PPP1R9B: variants seen among roughly 807,000 people sequenced by gnomAD.
PPP1R9B encodes neurabin-2.
In PPP1R9B, 17 loss-of-function variants were observed where a neutral mutation model predicts 75.8. That is an observed-to-expected ratio of 0.22 (90% CI 0.15 to 0.34). PPP1R9B has a LOEUF of 0.34. Among genes scored for constraint, PPP1R9B ranks in the 10% least tolerant of loss-of-function variants. PPP1R9B has a pLI of 1.00. For synonymous variants in PPP1R9B, 509 were observed against 535.4 expected (o/e 0.95, Z 0.68); for missense variants, 875 against 1,196.0 (o/e 0.73, Z 3.96).
chr17:50,140,119 C>G lies in PPP1R9B; in HGVS notation c.1840G>C (p.Ala614Pro), dbSNP rs1423777868. ...TCCTCGTCATCCTCCCCATACTGGG[C>G]GTATCTCTGCTCCATCATCTCCCGC... Reference protein sequence around the residue: ...WQREMMEQRYAQYGEDDEETG... With the variant: ...WQREMMEQRYPQYGEDDEETG... The change falls in exon 5 of 10, where the codon GCC becomes CCC. Residue 614 changes from alanine to proline, a missense_variant. By Grantham distance (27) the Ala-to-Pro change is conservative (BLOSUM62 -1). This residue lies in a region of PPP1R9B where 218 missense variants were observed against 334.6 expected (regional missense o/e 0.65). Coordinates refer to ENST00000612501, the MANE Select transcript of PPP1R9B (RefSeq NM_032595.5). 6.2e-7 allele frequency: 1 copy of G among 1,613,502 alleles called. No individual in the cohort carries two copies. Among genetic ancestry groups the G allele is most frequent in the East Asian group, 2.2e-5 (1 of 44,882 alleles).
rs1274251974 is a variant in PPP1R9B, at chr17:50,142,675, G to A, written c.1625+923C>T. Reference sequence around the variant, plus strand: ...ACCTCTAACTTACAGCCACCCTGGGGGATGCCCTACAGCCCTTCCTACTGC... The same window carrying A: ...ACCTCTAACTTACAGCCACCCTGGGAGATGCCCTACAGCCCTTCCTACTGC... On this transcript the variant is annotated intron_variant, in intron 3 of 9. Coordinates refer to ENST00000612501, the MANE Select transcript of PPP1R9B (RefSeq NM_032595.5). This position sits in a 1 kb window ranked among gnomAD's most constrained non-coding sequence, Gnocchi z 4.1. Among the ~76,000 whole-genome samples, 1 of 152,040 alleles carries A rather than the reference G, an allele frequency of 6.6e-6. No individual in the cohort carries two copies. Among genetic ancestry groups the A allele is most frequent in the Non-Finnish European group, 1.5e-5 (1 of 67,990 alleles).
At chr17:50,135,498 G>A (rs1912200945) in intron 9 of PPP1R9B, 55 bp downstream of exon 9, 1 of 1,586,286 alleles carries the variant, frequency 6.3e-7, no homozygotes, top group African/African-American at 1.3e-5. Flanking sequence ...ACAGGGTAGG[G>A]GCTTCAATGC....
In PPP1R9B at chr17:50,135,115, T is replaced by G. The variant is rs763524771; in HGVS notation, c.*216A>C. 3 of 587,850 alleles carry G rather than the reference T, an allele frequency of 5.1e-6. No individual in the cohort carries two copies. The highest frequency in any genetic ancestry group is 6.1e-6 in the Non-Finnish European group (2 of 329,298). The allele number at this position is 587,850 out of a possible 1,614,324, so 36.4% of individuals were successfully genotyped here. A position where few individuals can be genotyped will look rare whatever the true frequency, so the allele number is the denominator to read the frequency against. On this transcript the variant is annotated 3_prime_UTR_variant, in exon 10 of 10. Transcript: ENST00000612501. ...CAGCCCCATGGGGCAAGAAAGAGGCTGCCCTTCTAGCCACCTCTGTCTGCC... is the reference window on the plus strand; with the variant it reads ...CAGCCCCATGGGGCAAGAAAGAGGCGGCCCTTCTAGCCACCTCTGTCTGCC...
chr17:50,149,418 C>G lies in PPP1R9B; in HGVS notation c.1096G>C (p.Val366Leu), dbSNP rs753680798. ...ACGTCCGGGGCCCGGCCATTGCCCA[C>G]CCCCCTCTCTGGCGGCGCTACCGCC... is the stretch of plus-strand genomic sequence containing the variant. ...AAAVAPPERG[V>L]GNGRAPDVAP... Residue 366 changes from valine (V) to leucine (L), a missense_variant, in exon 1 of 10, where the codon GTG becomes CTG. Around this residue, in one of 4 missense-constraint regions of PPP1R9B, gnomAD observed 449 missense variants for 475.0 expected, o/e 0.95. Coordinates refer to ENST00000612501, the MANE Select transcript of PPP1R9B (RefSeq NM_032595.5). This position sits in a 1 kb window ranked among gnomAD's most constrained non-coding sequence, Gnocchi z 7.2. The G allele has an allele frequency of 1.2e-6, 2 of 1,610,700 alleles. No homozygotes were observed. The highest frequency in any genetic ancestry group is 4.5e-5 in the East Asian group (2 of 44,804).
chr17:50,147,892 G>C (rs1244566579), intron 1 of PPP1R9B, among the ~76,000 whole-genome samples: 2 of 152,184 alleles, frequency 1.3e-5, no homozygotes, highest in Non-Finnish European at 2.9e-5. Context: ...TGAGAGGAAA[G>C]TTGGGAAGCT....
At chr17:50,148,908 G>C (rs886096124) in intron 1 of PPP1R9B, among the ~76,000 whole-genome samples, 2 of 152,160 alleles carry the variant, frequency 1.3e-5, no homozygotes, top group African/African-American at 4.8e-5. Context: ...GGCAGCAGGC[G>C]GAGGAACCTG....
At position 50,139,989 on chromosome 17, in the gene PPP1R9B, G is replaced by A. The variant is rs1011898890; in HGVS notation, c.1866+104C>T. On this transcript the variant is annotated intron_variant, in intron 5 of 9. Transcript: ENST00000612501. The surrounding 1 kb of genome is among the most constrained non-coding windows in gnomAD (Gnocchi z 5.0). ...ACTGGAGGACAGGGAATGGCACTGTGGGCTTTTTACTAGGGCAGGGGAAGC... is the reference window on the plus strand; with the variant it reads ...ACTGGAGGACAGGGAATGGCACTGTAGGCTTTTTACTAGGGCAGGGGAAGC... 1 of 1,289,932 alleles carries A rather than the reference G, an allele frequency of 7.8e-7. No individual in the cohort carries two copies. Among genetic ancestry groups the A allele is most frequent in the Non-Finnish European group, 1.1e-6 (1 of 938,696 alleles). 79.9% of individuals were successfully genotyped at this position (1,289,932 alleles called of 1,614,324 possible). A position where few individuals can be genotyped will look rare whatever the true frequency, so the allele number is the denominator to read the frequency against.
At chr17:50,140,274 T>TC in intron 4 of PPP1R9B, 46 bp from the exon 5 acceptor site, 3 of 1,555,866 alleles carry the variant, frequency 1.9e-6, no homozygotes, top group Non-Finnish European at 2.6e-6. Context: ...CTCAGCCAGG[T>TC]AATGCATCAT....
Position 50,150,049 on chromosome 17 carries a change from G to A in PPP1R9B, c.465C>T (p.Ala155=), listed in dbSNP as rs778704983. Residue 155 remains alanine (A), a synonymous_variant, in exon 1 of 10, where the codon GCC becomes GCT. Coordinates refer to ENST00000612501, the MANE Select transcript of PPP1R9B (RefSeq NM_032595.5). This position sits in a 1 kb window ranked among gnomAD's most constrained non-coding sequence, Gnocchi z 8.7. ...CCTTGTCGCCGCCTGCGGCCGCTGG[G>A]GCGCTCCGTTCGAACAGCTTCCGCG... ...QETRKLFERS[A]PAAAGGDKEA... is the part of the protein sequence containing the mutation. 1 of 1,465,624 alleles carries A rather than the reference G, an allele frequency of 6.8e-7. No homozygotes were observed. Among genetic ancestry groups the A allele is most frequent in the Non-Finnish European group, 8.9e-7 (1 of 1,117,748 alleles). The allele number at this position is 1,465,624 out of a possible 1,614,324, so 90.8% of individuals were successfully genotyped here. A position where few individuals can be genotyped will look rare whatever the true frequency, so the allele number is the denominator to read the frequency against.
intron 4 of PPP1R9B, chr17:50,140,451 T>G: frequency 1.5e-4 from 83 of 565,212 alleles, no homozygotes; most frequent in East Asian, 1.6e-4. Flanking sequence ...CTCTGGCCAG[T>G]ATTGCGGGAG....
In PPP1R9B at chr17:50,150,454, G is replaced by C. The variant is rs2144463331; in HGVS notation, c.60C>G (p.Arg20=). ...GGPLRSASPH[R]SAYEAGIQAL... ...CCTGGATGCCCGCCTCGTAGGCGCTGCGGTGCGGGGAGGCGCTCCGGAGGG... is the reference window on the plus strand; with the variant it reads ...CCTGGATGCCCGCCTCGTAGGCGCTCCGGTGCGGGGAGGCGCTCCGGAGGG... The change falls in exon 1 of 10, where the codon CGC becomes CGG. Residue 20 remains arginine (R), a synonymous_variant. Coordinates refer to ENST00000612501, the MANE Select transcript of PPP1R9B (RefSeq NM_032595.5). This position sits in a 1 kb window ranked among gnomAD's most constrained non-coding sequence, Gnocchi z 8.7. The C allele has an allele frequency of 7.2e-7, 1 of 1,391,270 alleles. No homozygotes were observed. Among genetic ancestry groups the C allele is most frequent in the South Asian group, 1.6e-5 (1 of 63,068 alleles). The allele number at this position is 1,391,270 out of a possible 1,614,324, so 86.2% of individuals were successfully genotyped here.
rs1397677740 is a variant in PPP1R9B at position 50,142,284 on chromosome 17, C to A, written c.1626-911G>T. Among the ~76,000 whole-genome samples the A allele has an allele frequency of 6.6e-6, 1 of 152,176 alleles. No homozygotes were observed. Among genetic ancestry groups the A allele is most frequent in the African/African-American group, 2.4e-5 (1 of 41,430 alleles). On this transcript the variant is annotated intron_variant, in intron 3 of 9. Transcript: ENST00000612501. This position sits in a 1 kb window ranked among gnomAD's most constrained non-coding sequence, Gnocchi z 4.1. The stretch of plus-strand genomic sequence containing the variant: ...GAGCTCCAGGCCTTCTCTCAGGACT[C>A]CCACACGGAAATGGAGGAAATGGCC...
intron 4 of PPP1R9B, 90 bp from the exon 5 acceptor site, chr17:50,140,318 G>A (rs1912341744): frequency 1.3e-6 from 2 of 1,482,022 alleles, no homozygotes; most frequent in African/African-American, 1.4e-5. Flanking sequence ...CCAAACTCAG[G>A]CCCTCCCAGG....
Position 50,149,220 on chromosome 17 carries a change from C to T in PPP1R9B, c.1294G>A (p.Val432Met), listed in dbSNP as rs1238923987. Residue 432 changes from valine to methionine, a missense_variant, in exon 1 of 10, where the codon GTG (valine) becomes ATG (methionine). Around this residue, in one of 4 missense-constraint regions of PPP1R9B, gnomAD observed 449 missense variants for 475.0 expected, o/e 0.95. Transcript: ENST00000612501. The surrounding 1 kb of genome is among the most constrained non-coding windows in gnomAD (Gnocchi z 7.2). ...TCCTCCGACAGCCCCGGGATCTCCA[C>T]GCACCCCGACTCGGGCTCGTAGGGG... is the stretch of plus-strand genomic sequence containing the variant. ...EPPYEPESGC[V>M]EIPGLSEEED... 6.2e-7 allele frequency: 1 copy of T among 1,608,614 alleles called. No individual in the cohort carries two copies. The highest frequency in any genetic ancestry group is 1.7e-4 in the Middle Eastern group (1 of 6,038).
rs994445813 is a variant in PPP1R9B, at chr17:50,139,963, G to C, written c.1866+130C>G. ...TCCGGCCTCTGAAGACAAAGAGTGTGACTGGAGGACAGGGAATGGCACTGT... is the reference window on the plus strand; with the variant it reads ...TCCGGCCTCTGAAGACAAAGAGTGTCACTGGAGGACAGGGAATGGCACTGT... On this transcript the variant is annotated intron_variant, in intron 5 of 9. Transcript: ENST00000612501. The surrounding 1 kb of genome is among the most constrained non-coding windows in gnomAD (Gnocchi z 5.0). 9.9e-7 allele frequency: 1 copy of C among 1,006,624 alleles called. No individual in the cohort carries two copies. Among genetic ancestry groups the C allele is most frequent in the Non-Finnish European group, 1.4e-6 (1 of 697,918 alleles). 62.4% of individuals were successfully genotyped at this position (1,006,624 alleles called of 1,614,324 possible). A position where few individuals can be genotyped will look rare whatever the true frequency, so the allele number is the denominator to read the frequency against.
Position 50,139,963 on chromosome 17 carries a change from G to A in PPP1R9B, c.1866+130C>T. ...TCCGGCCTCTGAAGACAAAGAGTGT[G>A]ACTGGAGGACAGGGAATGGCACTGT... On this transcript the variant is annotated intron_variant, in intron 5 of 9. Transcript: ENST00000612501. The surrounding 1 kb of genome is among the most constrained non-coding windows in gnomAD (Gnocchi z 5.0). The A allele has an allele frequency of 1.6e-5, 16 of 1,006,624 alleles. No homozygotes were observed. In the South Asian group the frequency reaches 2.5e-4, roughly 16 times the overall value. The allele number at this position is 1,006,624 out of a possible 1,614,324, so 62.4% of individuals were successfully genotyped here.
chr17:50,150,041 G>T lies in PPP1R9B; in HGVS notation c.473C>A (p.Ala158Asp). ...CGCGGCCTCCTTGTCGCCGCCTGCG[G>T]CCGCTGGGGCGCTCCGTTCGAACAG... ...RKLFERSAPAAAGGDKEAAAR... is the reference protein window; with the variant it reads ...RKLFERSAPADAGGDKEAAAR... Residue 158 changes from alanine (A) to aspartate (D), a missense_variant, in exon 1 of 10, where the codon GCC becomes GAC. Ala to Asp is a moderately radical substitution (Grantham distance 126). This residue lies in a region of PPP1R9B where 449 missense variants were observed against 475.0 expected (regional missense o/e 0.95). Coordinates refer to ENST00000612501, the MANE Select transcript of PPP1R9B (RefSeq NM_032595.5). This position sits in a 1 kb window ranked among gnomAD's most constrained non-coding sequence, Gnocchi z 8.7. The T allele has an allele frequency of 6.8e-7, 1 of 1,466,066 alleles. No homozygotes were observed. Among genetic ancestry groups the T allele is most frequent in the Non-Finnish European group, 8.9e-7 (1 of 1,118,290 alleles). 90.8% of individuals were successfully genotyped at this position (1,466,066 alleles called of 1,614,324 possible).
Position 50,141,339 on chromosome 17 carries a change from C to T in PPP1R9B, c.1660G>A (p.Gly554Arg). The T allele has an allele frequency of 6.3e-7, 1 of 1,591,826 alleles. No homozygotes were observed. Among genetic ancestry groups the T allele is most frequent in the Non-Finnish European group, 8.5e-7 (1 of 1,169,778 alleles). ...QVNDLLVEVDGTSLVGVTQSF... is the reference protein window; with the variant it reads ...QVNDLLVEVDRTSLVGVTQSF... Reference sequence around the variant, plus strand: ...TGGGTCACTCCCACCAGACTTGTTCCATCCACCTCCACCAGGAGATCATTC... The same window carrying T: ...TGGGTCACTCCCACCAGACTTGTTCTATCCACCTCCACCAGGAGATCATTC... Residue 554 changes from glycine (G) to arginine (R), a missense_variant, in exon 4 of 10, where the codon GGA becomes AGA. By Grantham distance (125) the Gly-to-Arg change is moderately radical (BLOSUM62 -2). This residue lies in a region of PPP1R9B where 63 missense variants were observed against 160.2 expected (regional missense o/e 0.39). Transcript: ENST00000612501.
At position 50,149,658 on chromosome 17, in the gene PPP1R9B, C is replaced by T; in HGVS notation, c.856G>A (p.Ala286Thr). ...TCCCGGGGCTTGGGGGGCGGCCGGGCAGGGGCCACTCGGTGCTGCGGGGGC... is the reference window on the plus strand; with the variant it reads ...TCCCGGGGCTTGGGGGGCGGCCGGGTAGGGGCCACTCGGTGCTGCGGGGGC... Reference protein sequence around the residue: ...QQPPQHRVAPARPPPKPREVR... With the variant: ...QQPPQHRVAPTRPPPKPREVR... Residue 286 changes from alanine (A) to threonine (T), a missense_variant, in exon 1 of 10, where the codon GCC (alanine) becomes ACC (threonine). By Grantham distance (58) the Ala-to-Thr change is moderately conservative. This residue lies in a region of PPP1R9B where 449 missense variants were observed against 475.0 expected (regional missense o/e 0.95). Coordinates refer to ENST00000612501, the MANE Select transcript of PPP1R9B (RefSeq NM_032595.5). This position sits in a 1 kb window ranked among gnomAD's most constrained non-coding sequence, Gnocchi z 7.2. 6.6e-7 allele frequency: 1 copy of T among 1,509,536 alleles called. No homozygotes were observed. The highest frequency in any genetic ancestry group is 8.8e-7 in the Non-Finnish European group (1 of 1,131,830). The allele number at this position is 1,509,536 out of a possible 1,614,324, so 93.5% of individuals were successfully genotyped here.
Sources: gnomAD v4.1 joint callset for allele counts (sites outside exome capture counted in the v4.1 genomes callset) on GRCh38, gnomAD v4.1.1 for gene constraint, gnomAD v4.1.1 regional missense constraint, Gnocchi (gnomAD v3.1) non-coding constraint, MANE v1.5 for transcripts, NCBI Gene and HGNC (gene_info 2026-07-23, HGNC 2026-07-21) for gene names.